KPNA3: variants seen among roughly 807,000 people sequenced by gnomAD.
The protein encoded by KPNA3 is karyopherin subunit alpha 3, also known as importin subunit alpha-4.
Under a neutral mutation model 73.8 loss-of-function variants are expected in KPNA3, and 13 were observed. That is an observed-to-expected ratio of 0.18 (90% CI 0.11 to 0.28). The LOEUF (loss-of-function observed/expected upper bound fraction) is 0.28, where lower values mean the gene tolerates loss of function less well. Among genes scored for constraint, KPNA3 ranks in the 10% least tolerant of loss-of-function variants. The pLI is 1.00. For synonymous variants in KPNA3, 186 were observed against 206.9 expected (o/e 0.90, Z 0.87); for missense variants, 360 against 618.1 (o/e 0.58, Z 4.43).
At chr13:49,788,651 G>A (rs1196971752) in intron 1 of KPNA3, among the ~76,000 whole-genome samples, 1 of 151,554 alleles carries the variant, frequency 6.6e-6, no homozygotes, top group Non-Finnish European at 1.5e-5. Flanking sequence ...CCTGGGAGGA[G>A]GCGAAGGTTA....
At position 49,792,557 on chromosome 13, in the gene KPNA3, G is replaced by T. The variant is rs754062333; in HGVS notation, c.-51C>A. On this transcript the variant is annotated 5_prime_UTR_variant, in exon 1 of 17. Coordinates refer to ENST00000261667, the MANE Select transcript of KPNA3 (RefSeq NM_002267.4). The stretch of plus-strand genomic sequence containing the variant: ...TACTCCTGCGGCTGCGGCGGCGGCG[G>T]CGGCGAATCTTGGAGCGGGAGGGGG... The T allele has an allele frequency of 7.6e-7, 1 of 1,316,974 alleles. No individual in the cohort carries two copies. The highest frequency in any genetic ancestry group is 1.1e-6 in the Non-Finnish European group (1 of 941,930). The allele number at this position is 1,316,974 out of a possible 1,614,324, so 81.6% of individuals were successfully genotyped here.
intron 1 of KPNA3, among the ~76,000 whole-genome samples, chr13:49,759,347 G>C (rs904353837): frequency 6.6e-6 from 1 of 152,162 alleles, no homozygotes; most frequent in Admixed American, 6.5e-5. Context: ...TAGCTCAGCT[G>C]TTCCCAAACT....
intron 2 of KPNA3, among the ~76,000 whole-genome samples, chr13:49,741,296 C>T (rs1017331729): frequency 6.6e-6 from 1 of 152,036 alleles, no homozygotes; most frequent in Non-Finnish European, 1.5e-5. Context: ...CACCAACATG[C>T]GTTATCTTTC....
intron 11 of KPNA3, 23 bp downstream of exon 11, chr13:49,710,868 A>G (rs1408089580): frequency 1.2e-6 from 2 of 1,606,178 alleles, no homozygotes; most frequent in Non-Finnish European, 1.7e-6. Context: ...GTATACAAAT[A>G]AGAAAAATTT....
intron 1 of KPNA3, among the ~76,000 whole-genome samples, chr13:49,749,444 T>C (rs1269788453): frequency 2.0e-5 from 3 of 152,204 alleles, no homozygotes; most frequent in African/African-American, 7.2e-5. Context: ...TTCTTACTTG[T>C]TTGGGGTCTA....
At chr13:49,747,352 A>G (rs568232051) in intron 1 of KPNA3, among the ~76,000 whole-genome samples, 13 of 152,164 alleles carry the variant, frequency 8.5e-5, no homozygotes, top group South Asian at 4.2e-4. Flanking sequence ...ATCTCAAAAA[A>G]AAGAAGAAGA....
Position 49,719,790 on chromosome 13 carries a change from G to T in KPNA3, c.756C>A (p.Tyr252Ter). The change falls in exon 10 of 17, where the codon TAC becomes TAA. Residue 252 changes from tyrosine to a stop codon, truncating the protein, a stop_gained. Transcript: ENST00000261667. LOFTEE classifies it high-confidence loss of function. ...EILPALCVLIYHTDINILVDT... is the reference protein window; with the variant it reads ...EILPALCVLI ...CTTAACTTACGTTTATATCTGTATG[G>T]TATATGAGGACACATAAAGCTGGCA... 6.2e-7 allele frequency: 1 copy of T among 1,601,232 alleles called. No homozygotes were observed. Among genetic ancestry groups the T allele is most frequent in the Non-Finnish European group, 8.6e-7 (1 of 1,169,566 alleles).
At chr13:49,789,387 T>C (rs1594467678) in intron 1 of KPNA3, among the ~76,000 whole-genome samples, 1 of 152,192 alleles carries the variant, frequency 6.6e-6, no homozygotes, top group South Asian at 2.1e-4. Flanking sequence ...TCTCTCTCGA[T>C]TGAATGACAA....
chr13:49,736,278 T>C (rs1411426231), intron 2 of KPNA3, among the ~76,000 whole-genome samples: 2 of 152,204 alleles, frequency 1.3e-5, no homozygotes, highest in African/African-American at 4.8e-5. Context: ...GGTGACTACA[T>C]GGATATTCAC....
chr13:49,758,917 A>G (rs1954735344), intron 1 of KPNA3, among the ~76,000 whole-genome samples: 1 of 152,182 alleles, frequency 6.6e-6, no homozygotes, highest in South Asian at 2.1e-4. Context: ...AATACCACCA[A>G]TAGCAAACAG....
intron 1 of KPNA3, among the ~76,000 whole-genome samples, chr13:49,769,283 G>A (rs1034035948): frequency 5.3e-5 from 8 of 152,046 alleles, no homozygotes; most frequent in African/African-American, 1.9e-4. Context: ...TTTAGTAGCA[G>A]CTTTATTCAG....
At chr13:49,733,557 G>GGGATTA (rs1954491403) in intron 2 of KPNA3, among the ~76,000 whole-genome samples, 1 of 152,154 alleles carries the variant, frequency 6.6e-6, no homozygotes, top group Admixed American at 6.6e-5. Context: ...CCAAAGTGCT[G>GGGATTA]GGATTACAAG....
intron 12 of KPNA3, among the ~76,000 whole-genome samples, chr13:49,707,698 T>TAA (rs144789423): frequency 2.7e-5 from 4 of 146,588 alleles, no homozygotes; most frequent in Non-Finnish European, 3.0e-5. Flanking sequence ...TTCATTTAGC[T>TAA]AAAAAAAAAA....
intron 11 of KPNA3, among the ~76,000 whole-genome samples, chr13:49,710,473 G>T (rs1312610748): frequency 1.3e-5 from 2 of 152,196 alleles, no homozygotes; most frequent in Non-Finnish European, 2.9e-5. Flanking sequence ...TAGATAAGGA[G>T]AGACAGATTT....
intron 16 of KPNA3, 152 bp downstream of exon 16, chr13:49,702,234 G>A: frequency 1.7e-6 from 1 of 572,290 alleles, no homozygotes; most frequent in Non-Finnish European, 3.0e-6. Context: ...AAGTTTCAAA[G>A]TATTTAAGAG....
At position 49,747,510 on chromosome 13, in the gene KPNA3, C is replaced by T. The variant is rs190595282; in HGVS notation, c.70-517G>A. ...GATCAGCCTGGCCAACATGGCAAAACCCCATCTCTACTAAAAATACCAAAA... is the reference window on the plus strand; with the variant it reads ...GATCAGCCTGGCCAACATGGCAAAATCCCATCTCTACTAAAAATACCAAAA... On this transcript the variant is annotated intron_variant, in intron 1 of 16. Transcript: ENST00000261667. Among the ~76,000 whole-genome samples the T allele has an allele frequency of 4.6e-3, 702 of 152,146 alleles. 2 individuals carry two copies. The highest frequency in any genetic ancestry group is 0.015 in the African/African-American group (632 of 41,518).
At chr13:49,773,548 A>T (rs1017774608) in intron 1 of KPNA3, among the ~76,000 whole-genome samples, 4 of 152,042 alleles carry the variant, frequency 2.6e-5, no homozygotes, top group African/African-American at 9.7e-5. Context: ...CCCTGTAATT[A>T]AAAAAAATTG....
chr13:49,752,275 C>T (rs889466597), intron 1 of KPNA3, among the ~76,000 whole-genome samples: 2 of 151,716 alleles, frequency 1.3e-5, no homozygotes, highest in Non-Finnish European at 2.9e-5. Context: ...CCAATGCCAC[C>T]CCCTTAAAAA....
At chr13:49,708,570 T>C (rs1442710799) in intron 12 of KPNA3, among the ~76,000 whole-genome samples, 1 of 152,206 alleles carries the variant, frequency 6.6e-6, no homozygotes, top group Admixed American at 6.5e-5. Flanking sequence ...TAGGTATTTG[T>C]ATGCCAATGT....
Sources: gnomAD v4.1 joint callset for allele counts (sites outside exome capture counted in the v4.1 genomes callset) on GRCh38, gnomAD v4.1.1 for gene constraint, MANE v1.5 for transcripts, NCBI Gene and HGNC (gene_info 2026-07-23, HGNC 2026-07-21) for gene names.